The following CDC23 variants were observed in gnomAD, a reference collection of about 807,000 sequenced individuals.
CDC23 encodes the protein cell division cycle protein 23 homolog.
In CDC23, 26 loss-of-function variants were observed where a neutral mutation model predicts 81.7. The observed-to-expected ratio is 0.32, with a 90% CI of 0.23 to 0.44. The LOEUF is 0.44. Ranked by LOEUF, CDC23 falls within the 20% of genes least tolerant of loss-of-function variation. The probability of loss-of-function intolerance (pLI) is 1.00; values close to 1 mark genes in which losing one functional copy is unlikely to be tolerated. For missense variants in CDC23, 519 were observed against 728.0 expected (o/e 0.71, Z 3.30); for synonymous variants, 267 against 270.8 (o/e 0.99, Z 0.14).
chr5:138,200,973 G>T, intron 6 of CDC23, 134 bp downstream of exon 6: 2 of 924,438 alleles, frequency 2.2e-6, no homozygotes, highest in Non-Finnish European at 3.3e-6. Context: ...CCAAAACAGC[G>T]AAAAGACACC....
intron 9 of CDC23, among the ~76,000 whole-genome samples, chr5:138,194,469 A>G (rs2126580737): frequency 1.3e-5 from 2 of 152,292 alleles, no homozygotes; most frequent in South Asian, 4.1e-4. Context: ...AAATATTGCA[A>G]GAATCTATTT....
Position 138,195,732 on chromosome 5 carries a change from A to G in CDC23, c.1012+2467T>C, listed in dbSNP as rs1353981719. ...ACATATAATATATATGTATATATATACATATAATATATATGTATATATATA... is the reference window on the plus strand; with the variant it reads ...ACATATAATATATATGTATATATATGCATATAATATATATGTATATATATA... On this transcript the variant is annotated intron_variant, in intron 9 of 15. Transcript: ENST00000394886. Among the ~76,000 whole-genome samples, 4 of 117,652 alleles carry G rather than the reference A, an allele frequency of 3.4e-5. No individual in the cohort carries two copies. In the East Asian group the frequency reaches 8.4e-4, roughly 25 times the overall value. The allele number at this position is 117,652 out of a possible 152,430, so 77.2% of individuals were successfully genotyped here. A position where few individuals can be genotyped will look rare whatever the true frequency, so the allele number is the denominator to read the frequency against.
chr5:138,191,728 C>T (rs1754829107), intron 12 of CDC23, 134 bp downstream of exon 12: 2 of 937,326 alleles, frequency 2.1e-6, no homozygotes, highest in Middle Eastern at 2.2e-4. Context: ...TGCTTTCAGA[C>T]TATGTATCTA....
intron 8 of CDC23, 69 bp downstream of exon 8, chr5:138,198,357 G>A: frequency 6.3e-7 from 1 of 1,577,400 alleles, no homozygotes; most frequent in Non-Finnish European, 8.7e-7. Flanking sequence ...TAATACAAGT[G>A]GGTGACAATC....
intron 2 of CDC23, 138 bp downstream of exon 2, chr5:138,212,853 C>T (rs182833264): frequency 7.1e-5 from 47 of 664,860 alleles, no homozygotes; most frequent in Admixed American, 3.5e-4. Flanking sequence ...TTAAAACACT[C>T]AGCTCTTTGA....
chr5:138,192,278 T>G lies in CDC23; in HGVS notation c.1277A>C (p.His426Pro). 1 of 1,614,148 alleles carries G rather than the reference T, an allele frequency of 6.2e-7. No individual in the cohort carries two copies. Among genetic ancestry groups the G allele is most frequent in the Non-Finnish European group, 8.5e-7 (1 of 1,180,018 alleles). ...AAGTGACCAGGCTTACCGAAGCTGG[T>G]GGGCCCGTCTATAATAATAAAGGCA... ...FYCLYYYRRA[H>P]QLRPNDSRML... is the part of the protein sequence containing the mutation. Residue 426 changes from histidine to proline, a missense_variant, in exon 11 of 16, where the codon CAC becomes CCC. By Grantham distance (77) the His-to-Pro change is moderately conservative (BLOSUM62 -2). Transcript: ENST00000394886.
intron 4 of CDC23, 112 bp downstream of exon 4, chr5:138,202,001 C>T: frequency 1.4e-6 from 1 of 734,718 alleles, no homozygotes; most frequent in Non-Finnish European, 2.3e-6. Context: ...AGGTGCTTTC[C>T]AATTTGTAAT....
chr5:138,206,337 T>A, intron 3 of CDC23: 2 of 606,308 alleles, frequency 3.3e-6, no homozygotes, highest in Non-Finnish European at 5.9e-6. Context: ...ATCAGGTTGT[T>A]ACTTATCCTG....
rs1428181754 is a variant in CDC23 at position 138,201,375 on chromosome 5, T to C, written c.489A>G (p.Gln163=). Residue 163 remains glutamine, a synonymous_variant, in exon 5 of 16, where the codon CAA becomes CAG. Coordinates refer to ENST00000394886, the MANE Select transcript of CDC23 (RefSeq NM_004661.4). ...ELRVELSKKH[Q]ARELDGFGLY... is the part of the protein sequence containing the mutation. ...GTCCAAATCCATCAAGTTCTCGAGCTTGGTGTTTTTTGCTGAGCTCCACTC... is the reference window on the plus strand; with the variant it reads ...GTCCAAATCCATCAAGTTCTCGAGCCTGGTGTTTTTTGCTGAGCTCCACTC... 2.5e-6 allele frequency: 4 copies of C among 1,614,136 alleles called. No homozygotes were observed. Among genetic ancestry groups the C allele is most frequent in the Admixed American group, 3.3e-5 (2 of 60,004 alleles).
chr5:138,195,490 A>G (rs895364554), intron 9 of CDC23, among the ~76,000 whole-genome samples: 5 of 132,710 alleles, frequency 3.8e-5, no homozygotes, highest in Non-Finnish European at 6.2e-5. Flanking sequence ...TGCAGTATAC[A>G]TATATGTAAA....
At position 138,200,553 on chromosome 5, in the gene CDC23, T is replaced by C. The variant is rs541975663; in HGVS notation, c.654+554A>G. Among the ~76,000 whole-genome samples, 308 of 152,200 alleles carry C rather than the reference T, an allele frequency of 2.0e-3. 2 individuals are homozygous for C. The highest frequency in any genetic ancestry group is 6.9e-3 in the African/African-American group (288 of 41,542). On this transcript the variant is annotated intron_variant, in intron 6 of 15. Transcript: ENST00000394886. ...AAGTAACATAGGCTGGGCGTGGTGG[T>C]TCATGCCTGTAATCCCAGCACTTTG...
At chr5:138,212,126 T>A (rs1031066578) in intron 2 of CDC23, among the ~76,000 whole-genome samples, 9 of 152,188 alleles carry the variant, frequency 5.9e-5, no homozygotes, top group Non-Finnish European at 1.0e-4. Context: ...TATATTATTA[T>A]CTCATTGACT....
intron 4 of CDC23, 24 bp from the exon 5 acceptor site, chr5:138,201,472 T>C (rs1754988990): frequency 2.0e-6 from 3 of 1,493,948 alleles, no homozygotes; most frequent in East Asian, 2.3e-5. Context: ...AGAGTCTCTG[T>C]TCTAAGGTTA....
rs796476107 is a variant in CDC23 at position 138,192,491 on chromosome 5, TATAG to T, written c.1166+9_1166+12del. ...CAGCAATCTGCTCTACCTCACCACCTATAGATAATCACCTATAAGCCTGGATAGC... is the reference window on the plus strand; with the variant it reads ...CAGCAATCTGCTCTACCTCACCACCTATAATCACCTATAAGCCTGGATAGC... On this transcript the variant is annotated intron_variant, in intron 10 of 15. Transcript: ENST00000394886. The T allele has an allele frequency of 6.2e-7, 1 of 1,613,836 alleles. No homozygotes were observed. Among genetic ancestry groups the T allele is most frequent in the Admixed American group, 1.7e-5 (1 of 59,960 alleles).
rs1754803405 is a variant in CDC23, at chr5:138,189,616, A to G, written c.1623+17T>C. The G allele has an allele frequency of 6.2e-7, 1 of 1,602,846 alleles. No homozygotes were observed. On this transcript the variant is annotated intron_variant, in intron 15 of 15. Coordinates refer to ENST00000394886, the MANE Select transcript of CDC23 (RefSeq NM_004661.4). ...TAGCCTAAAATTCAAACCTTTTATT[A>G]AAGAACTGATACTCACATCATTAAA...
rs1381599337 is a variant in CDC23, at chr5:138,188,660, C to T, written c.*318G>A. 5.3e-6 allele frequency: 1 copy of T among 187,266 alleles called. No homozygotes were observed. The highest frequency in any genetic ancestry group is 1.3e-4 in the East Asian group (1 of 7,620). The allele number at this position is 187,266 out of a possible 1,614,324, so 11.6% of individuals were successfully genotyped here. On this transcript the variant is annotated 3_prime_UTR_variant, in exon 16 of 16. Coordinates refer to ENST00000394886, the MANE Select transcript of CDC23 (RefSeq NM_004661.4). ...TTGAAACTTTGTTCCTGTAGCATTG[C>T]CTGTGCTAAAGTGCTATAAAAGGGA...
intron 2 of CDC23, among the ~76,000 whole-genome samples, chr5:138,209,451 A>AAAAGC (rs1292430188): frequency 6.6e-6 from 1 of 151,796 alleles, no homozygotes; most frequent in African/African-American, 2.4e-5. Context: ...AAAAGAAAAG[A>AAAAGC]AAAGCTTTAA....
At chr5:138,198,311 T>C (rs761222789) in intron 8 of CDC23, 31 bp from the exon 9 acceptor site, 6 of 1,598,320 alleles carry the variant, frequency 3.8e-6, no homozygotes, top group Non-Finnish European at 4.3e-6. Context: ...AATATAAGCA[T>C]GAAAAAAGAA....
chr5:138,193,111 T>C (rs1754844250), intron 9 of CDC23, among the ~76,000 whole-genome samples: 1 of 152,142 alleles, frequency 6.6e-6, no homozygotes, highest in Admixed American at 6.5e-5. Context: ...TAAATTTTTT[T>C]GTGGAGACAG....
Sources: allele counts gnomAD v4.1 joint callset (sites outside exome capture counted in the v4.1 genomes callset), GRCh38; gene constraint gnomAD v4.1.1; transcripts MANE v1.5; gene names NCBI Gene and HGNC (gene_info 2026-07-23, HGNC 2026-07-21).